Variants in DNAAF11 observed in about 807,000 individuals in gnomAD.
DNAAF11 encodes the protein leucine rich repeat containing 6.
DNAAF11 carries 45 observed loss-of-function variants against 60.8 expected under a neutral mutation model. The ratio of observed to expected loss-of-function variants is 0.74; its 90% CI spans 0.58 to 0.95. The LOEUF (loss-of-function observed/expected upper bound fraction) is 0.95. DNAAF11 is among the 40% of genes least tolerant of loss of function. The pLI, the probability that DNAAF11 is intolerant of heterozygous loss-of-function variation, is 0.00. For missense variants in DNAAF11, 546 were observed against 546.2 expected (o/e 1.00, Z 0.00); for synonymous variants, 191 against 183.5 (o/e 1.04, Z -0.33).
At chr8:132,592,066 A>G (rs1816522523) in intron 10 of DNAAF11, among the ~76,000 whole-genome samples, 1 of 152,168 alleles carries the variant, frequency 6.6e-6, no homozygotes, top group African/African-American at 2.4e-5. Context: ...CAAATAGCCA[A>G]TATCCTCCAA....
At chr8:132,585,672 A>AAGCAACAT (rs1815818137) in intron 10 of DNAAF11, among the ~76,000 whole-genome samples, 1 of 152,208 alleles carries the variant, frequency 6.6e-6, no homozygotes, top group Admixed American at 6.5e-5. Context: ...TTGGCAACTA[A>AAGCAACAT]AGCTACCAAA....
chr8:132,604,620 A>G (rs533992011), intron 10 of DNAAF11, among the ~76,000 whole-genome samples: 1 of 152,278 alleles, frequency 6.6e-6, no homozygotes, highest in Admixed American at 6.5e-5. Context: ...TTTAAGTTGG[A>G]CTGTGGTAAA....
intron 10 of DNAAF11, among the ~76,000 whole-genome samples, chr8:132,589,448 C>T (rs1348929459): frequency 6.6e-6 from 1 of 152,216 alleles, no homozygotes; most frequent in East Asian, 1.9e-4. Flanking sequence ...GTATTTTACA[C>T]ACGTCCTTAT....
At chr8:132,658,837 C>A (rs1173057372) in intron 2 of DNAAF11, among the ~76,000 whole-genome samples, 1 of 152,102 alleles carries the variant, frequency 6.6e-6, no homozygotes, top group Non-Finnish European at 1.5e-5. Context: ...CCTAAGCTAA[C>A]TCCTCAAAAC....
chr8:132,606,978 G>A (rs771565064), intron 10 of DNAAF11, among the ~76,000 whole-genome samples: 1 of 152,160 alleles, frequency 6.6e-6, no homozygotes, highest in African/African-American at 2.4e-5. Context: ...TATTGTTGTA[G>A]AAAGAAACAC....
At chr8:132,643,354 A>C (rs759371018) in intron 3 of DNAAF11, 1 of 224,044 alleles carries the variant, frequency 4.5e-6, no homozygotes, top group Non-Finnish European at 9.2e-6. Context: ...CACCCAGCAG[A>C]GGTGTAGCCC....
chr8:132,651,164 G>A (rs533285620), intron 3 of DNAAF11, among the ~76,000 whole-genome samples: 3 of 152,140 alleles, frequency 2.0e-5, no homozygotes, highest in South Asian at 2.1e-4. Context: ...TGCCAAAGGC[G>A]GGTGGGGGAG....
Position 132,570,718 on chromosome 8 carries a change from G to T in DNAAF11, c.*1588C>A, listed in dbSNP as rs987742982. On this transcript the variant is annotated 3_prime_UTR_variant, in exon 12 of 12. Transcript: ENST00000620350. ...CAGAGGGACCCAGCCTGCTGCAGCT[G>T]ATCCTTGATCTCCACCACTGTGTGT... Among the ~76,000 whole-genome samples the T allele has an allele frequency of 3.9e-5, 6 of 152,206 alleles. No homozygotes were observed. The highest frequency in any genetic ancestry group is 8.8e-5 in the Non-Finnish European group (6 of 68,040).
chr8:132,591,658 TG>T (rs752540868), intron 10 of DNAAF11, among the ~76,000 whole-genome samples: 2 of 152,078 alleles, frequency 1.3e-5, no homozygotes, highest in Admixed American at 6.6e-5. Context: ...TATCTTAACT[TG>T]TTTATTATAC....
At chr8:132,655,256 A>T (rs1823428991) in intron 3 of DNAAF11, among the ~76,000 whole-genome samples, 1 of 152,118 alleles carries the variant, frequency 6.6e-6, no homozygotes, top group African/African-American at 2.4e-5. Context: ...TTAAATTAAT[A>T]ATCAATAAAC....
At chr8:132,616,861 G>GT (rs977704763) in intron 7 of DNAAF11, among the ~76,000 whole-genome samples, 2 of 152,180 alleles carry the variant, frequency 1.3e-5, no homozygotes, top group Non-Finnish European at 2.9e-5. Flanking sequence ...GAGAGCAGGA[G>GT]TTTTTTATCC....
the DNAAF11 span, among the ~76,000 whole-genome samples, chr8:132,700,638 T>C: frequency 6.6e-6 from 1 of 151,978 alleles, no homozygotes; most frequent in Admixed American, 6.6e-5. Context: ...CAATGAACTG[T>C]GATTGTGCCT....
chr8:132,574,712 G>T (rs879634543), intron 11 of DNAAF11, among the ~76,000 whole-genome samples: 4 of 152,076 alleles, frequency 2.6e-5, no homozygotes, highest in Admixed American at 2.0e-4. Flanking sequence ...TCTGAACCTG[G>T]GGTCATCTTG....
chr8:132,629,346 T>G (rs1306785441), intron 5 of DNAAF11, among the ~76,000 whole-genome samples: 1 of 151,644 alleles, frequency 6.6e-6, no homozygotes, highest in Non-Finnish European at 1.5e-5. Context: ...ATTCTCTTTT[T>G]TTTTTTCTTT....
the DNAAF11 span, among the ~76,000 whole-genome samples, chr8:132,690,791 G>C: frequency 6.6e-6 from 1 of 152,244 alleles, no homozygotes; most frequent in East Asian, 1.9e-4. Flanking sequence ...GTATTTTGTA[G>C]AATGTCCTTC....
At chr8:132,630,608 G>T (rs1477164867) in intron 5 of DNAAF11, among the ~76,000 whole-genome samples, 1 of 152,042 alleles carries the variant, frequency 6.6e-6, no homozygotes, top group Non-Finnish European at 1.5e-5. Context: ...ACTGGTAGAA[G>T]ACACTTGTAA....
intron 11 of DNAAF11, among the ~76,000 whole-genome samples, chr8:132,580,132 CACT>C (rs1388239988): frequency 6.6e-6 from 1 of 150,654 alleles, no homozygotes; most frequent in East Asian, 1.9e-4. Flanking sequence ...ACTATAAAAC[CACT>C]ACAATTACTA....
At chr8:132,700,279 C>G in the DNAAF11 span, among the ~76,000 whole-genome samples, 1 of 152,070 alleles carries the variant, frequency 6.6e-6, no homozygotes, top group Non-Finnish European at 1.5e-5. Context: ...ACCCAGTCAA[C>G]CAGGTTTTGG....
intron 1 of DNAAF11, among the ~76,000 whole-genome samples, chr8:132,670,939 A>G (rs935853702): frequency 6.6e-6 from 1 of 152,172 alleles, no homozygotes; most frequent in Admixed American, 6.5e-5. Flanking sequence ...AAAACCAGAA[A>G]TAAAAAGGAA....
Sources: gnomAD v4.1 joint callset for allele counts (sites outside exome capture counted in the v4.1 genomes callset) on GRCh38, gnomAD v4.1.1 for gene constraint, MANE v1.5 for transcripts, NCBI Gene and HGNC (gene_info 2026-07-23, HGNC 2026-07-21) for gene names.